The following ENTREP2 variants were observed in gnomAD, a reference collection of about 807,000 sequenced individuals.
The protein encoded by ENTREP2 is protein ENTREP2.
At chr15:29,605,991 C>T in the ENTREP2 span, among the ~76,000 whole-genome samples, 6 of 152,162 alleles carry the variant, frequency 3.9e-5, no homozygotes, top group African/African-American at 1.2e-4. Context: ...CTGTCTTCTC[C>T]CTCCCACCAT....
chr15:29,197,884 C>T, the ENTREP2 span, among the ~76,000 whole-genome samples: 1 of 152,108 alleles, frequency 6.6e-6, no homozygotes, highest in African/African-American at 2.4e-5. Context: ...AATATGTTTA[C>T]AGCAGCCAAC....
the ENTREP2 span, among the ~76,000 whole-genome samples, chr15:29,576,331 T>C: frequency 6.6e-6 from 1 of 152,086 alleles, no homozygotes; most frequent in Non-Finnish European, 1.5e-5. Flanking sequence ...AAAAGTTAAC[T>C]CAAAATGGAC....
the ENTREP2 span, among the ~76,000 whole-genome samples, chr15:29,388,966 G>C: frequency 7.8e-6 from 1 of 128,236 alleles, no homozygotes; most frequent in African/African-American, 2.9e-5. Flanking sequence ...GCCTGTTGTG[G>C]GGTGGGGGGA....
chr15:29,248,628 T>C, the ENTREP2 span, among the ~76,000 whole-genome samples: 1 of 152,184 alleles, frequency 6.6e-6, no homozygotes, highest in Non-Finnish European at 1.5e-5. Context: ...TAAGCTTATG[T>C]ATATGCAATT....
chr15:29,590,683 CAAA>C, the ENTREP2 span, among the ~76,000 whole-genome samples: 5 of 75,332 alleles, frequency 6.6e-5, no homozygotes, highest in Non-Finnish European at 1.2e-4. Flanking sequence ...GACTCCGTCT[CAAA>C]AAAAAAAAAA....
the ENTREP2 span, among the ~76,000 whole-genome samples, chr15:29,357,746 G>T: frequency 5.9e-5 from 9 of 152,192 alleles, no homozygotes; most frequent in Admixed American, 5.2e-4. Context: ...GGCTGAGGCA[G>T]GAGAATGGCA....
At chr15:29,672,958 G>C in the ENTREP2 span, among the ~76,000 whole-genome samples, 1 of 152,110 alleles carries the variant, frequency 6.6e-6, no homozygotes, top group African/African-American at 2.4e-5. Context: ...AGTATACTTA[G>C]TTACTTCTTG....
chr15:29,488,225 T>C, the ENTREP2 span, among the ~76,000 whole-genome samples: 6,655 of 152,166 alleles, frequency 0.044, 487 homozygotes, highest in African/African-American at 0.15. Flanking sequence ...GAAATAAAGA[T>C]ATAGAAATTA....
chr15:29,278,958 C>G, the ENTREP2 span, among the ~76,000 whole-genome samples: 1 of 152,336 alleles, frequency 6.6e-6, no homozygotes, highest in Admixed American at 6.5e-5. Flanking sequence ...CCTTGGCCTG[C>G]AGATGACCAC....
the ENTREP2 span, among the ~76,000 whole-genome samples, chr15:29,444,178 GAAAGAAAGAA>G: frequency 6.5e-5 from 1 of 15,392 alleles, no homozygotes; most frequent in African/African-American, 2.2e-4. Context: ...GACAAAGAAA[GAAAGAAAGAA>G]AGAAAGAAAG....
At chr15:29,332,228 A>C in the ENTREP2 span, among the ~76,000 whole-genome samples, 1 of 152,238 alleles carries the variant, frequency 6.6e-6, no homozygotes, top group Admixed American at 6.5e-5. Context: ...AGGAAATTAC[A>C]AAAAGAAGGT....
At chr15:29,224,396 G>A in the ENTREP2 span, among the ~76,000 whole-genome samples, 20 of 152,250 alleles carry the variant, frequency 1.3e-4, no homozygotes, top group East Asian at 2.5e-3. Flanking sequence ...GAACTGCGCC[G>A]GGTTGCCACT....
the ENTREP2 span, among the ~76,000 whole-genome samples, chr15:29,242,763 A>G: frequency 0.015 from 2,354 of 152,272 alleles, 58 homozygotes; most frequent in African/African-American, 0.053. Flanking sequence ...TTGGAGAAAA[A>G]GAGACAGAAT....
At chr15:29,257,150 C>G in the ENTREP2 span, among the ~76,000 whole-genome samples, 26 of 151,748 alleles carry the variant, frequency 1.7e-4, no homozygotes, top group South Asian at 8.3e-4. Context: ...CTCGACTCAC[C>G]GCAGTCTCCA....
At chr15:29,613,470 CT>C in the ENTREP2 span, 1 of 425,660 alleles carries the variant, frequency 2.3e-6, no homozygotes, top group Non-Finnish European at 4.6e-6. Flanking sequence ...AATGGGCACC[CT>C]CCTCCACAGC....
At chr15:29,203,192 G>A in the ENTREP2 span, among the ~76,000 whole-genome samples, 3 of 152,228 alleles carry the variant, frequency 2.0e-5, no homozygotes, top group Non-Finnish European at 4.4e-5. Context: ...CACGAGGACA[G>A]GAGATCGAGA....
chr15:29,348,921 T>C, the ENTREP2 span, among the ~76,000 whole-genome samples: 75 of 152,324 alleles, frequency 4.9e-4, 1 homozygote, highest in African/African-American at 1.7e-3. Context: ...TCTGATAAAA[T>C]AACTTAACAT....
At chr15:29,653,186 G>T in the ENTREP2 span, among the ~76,000 whole-genome samples, 1 of 152,168 alleles carries the variant, frequency 6.6e-6, no homozygotes, top group African/African-American at 2.4e-5. Flanking sequence ...GAAGAAAACT[G>T]TCTGAAGGTT....
the ENTREP2 span, among the ~76,000 whole-genome samples, chr15:29,620,570 C>T: frequency 2.6e-3 from 400 of 152,050 alleles, 2 homozygotes; most frequent in Non-Finnish European, 4.0e-3. Flanking sequence ...CTCAGGAGTT[C>T]CAGGCTCCGA....
Sources: allele counts gnomAD v4.1 joint callset (sites outside exome capture counted in the v4.1 genomes callset), GRCh38; gene constraint gnomAD v4.1.1; transcripts MANE v1.5; gene names NCBI Gene and HGNC (gene_info 2026-07-23, HGNC 2026-07-21).